The following GRIA3 variants were observed in gnomAD, a reference collection of about 807,000 sequenced individuals.
The protein encoded by GRIA3 is glutamate receptor 3.
A neutral mutation model predicts 63.0 loss-of-function variants in GRIA3; 3 were observed. That is an observed-to-expected ratio of 0.05 (90% CI 0.02 to 0.12). The LOEUF (loss-of-function observed/expected upper bound fraction) is 0.12, where lower values mean the gene tolerates loss of function less well. GRIA3 is among the 10% of genes least tolerant of loss of function. The pLI, the probability that GRIA3 is intolerant of heterozygous loss-of-function variation, is 1.00. For synonymous variants in GRIA3, 274 were observed against 257.9 expected (o/e 1.06, Z -0.60); for missense variants, 347 against 700.9 (o/e 0.50, Z 5.70).
In GRIA3 at chrX:123,270,620, C is replaced by T. The variant is rs1424104281; in HGVS notation, c.508+17078C>T. On this transcript the variant is annotated intron_variant, in intron 3 of 15. Transcript: ENST00000620443. Reference sequence around the variant, plus strand: ...TTCTTTCTGGCTTTTCTAAGGCAATCCTGAGGATTCAATCCCAGCTCTGAC... The same window carrying T: ...TTCTTTCTGGCTTTTCTAAGGCAATTCTGAGGATTCAATCCCAGCTCTGAC... Among the ~76,000 whole-genome samples, 5 of 112,186 alleles carry T rather than the reference C, an allele frequency of 4.5e-5. No homozygotes were observed. In the East Asian group the frequency reaches 1.4e-3, roughly 31 times the overall value.
intron 5 of GRIA3, among the ~76,000 whole-genome samples, chrX:123,376,950 T>TC (rs1381343775): frequency 9.6e-6 from 1 of 103,923 alleles, no homozygotes; most frequent in Non-Finnish European, 2.0e-5. Flanking sequence ...TTTTTTTTTT[T>TC]TTGAGGCAGA....
chrX:123,316,955 G>A (rs184061828), intron 3 of GRIA3, among the ~76,000 whole-genome samples: 1 of 111,768 alleles, frequency 8.9e-6, no homozygotes, highest in African/African-American at 3.3e-5. Context: ...TCATGCTGCT[G>A]ATAAAGACAT....
At chrX:123,309,277 G>A (rs2044774513) in intron 3 of GRIA3, among the ~76,000 whole-genome samples, 1 of 109,674 alleles carries the variant, frequency 9.1e-6, no homozygotes, top group Non-Finnish European at 1.9e-5. Flanking sequence ...GTCCCGAGAG[G>A]TGGAGGTTGA....
At chrX:123,344,254 A>C (rs1366860243) in intron 4 of GRIA3, among the ~76,000 whole-genome samples, 1 of 112,418 alleles carries the variant, frequency 8.9e-6, no homozygotes, top group Non-Finnish European at 1.9e-5. Context: ...GCAGTGTAGC[A>C]GATGCTGTTG....
At chrX:123,441,394 T>A (rs1177742103) in intron 12 of GRIA3, among the ~76,000 whole-genome samples, 1 of 111,771 alleles carries the variant, frequency 8.9e-6, no homozygotes, top group Admixed American at 9.5e-5. Context: ...TGTATCATAG[T>A]AGAAATCAAT....
chrX:123,428,467 G>T (rs2045601445), intron 12 of GRIA3, among the ~76,000 whole-genome samples: 1 of 111,425 alleles, frequency 9.0e-6, no homozygotes, highest in Non-Finnish European at 1.9e-5. Context: ...AATAATGAGG[G>T]GATTGAACTA....
At chrX:123,319,160 C>T (rs888082491) in intron 3 of GRIA3, among the ~76,000 whole-genome samples, 25 of 111,871 alleles carry the variant, frequency 2.2e-4, no homozygotes, top group African/African-American at 7.5e-4. Flanking sequence ...AGATACAATT[C>T]AAATTGAGGT....
At chrX:123,382,010 T>G (rs1402663469) in intron 5 of GRIA3, among the ~76,000 whole-genome samples, 2 of 112,202 alleles carry the variant, frequency 1.8e-5, no homozygotes. Flanking sequence ...GACTATTGGT[T>G]GCTCTATCTA....
intron 3 of GRIA3, among the ~76,000 whole-genome samples, chrX:123,324,946 T>C (rs1242938564): frequency 8.9e-6 from 1 of 112,157 alleles, no homozygotes; most frequent in Non-Finnish European, 1.9e-5. Context: ...CATTCTCTTC[T>C]CCTCCAGTCA....
chrX:123,455,148 C>T (rs1047669048), intron 12 of GRIA3, among the ~76,000 whole-genome samples: 10 of 111,999 alleles, frequency 8.9e-5, no homozygotes, highest in Non-Finnish European at 1.5e-4. Context: ...CTCAAAATAA[C>T]TCAGTCAGGC....
chrX:123,479,010 A>G (rs2045899566), intron 13 of GRIA3, among the ~76,000 whole-genome samples: 2 of 112,929 alleles, frequency 1.8e-5, no homozygotes, highest in Admixed American at 1.9e-4. Flanking sequence ...AAGGGAGAAA[A>G]TCTTTATCCT....
intron 3 of GRIA3, among the ~76,000 whole-genome samples, chrX:123,320,634 C>T (rs922005454): frequency 9.0e-6 from 1 of 111,649 alleles, no homozygotes; most frequent in African/African-American, 3.3e-5. Context: ...TCTGTCCACA[C>T]CAAAATGTTG....
chrX:123,353,174 G>A (rs1439417131), intron 4 of GRIA3, among the ~76,000 whole-genome samples: 1 of 111,354 alleles, frequency 9.0e-6, no homozygotes, highest in Non-Finnish European at 1.9e-5. Context: ...ACATTGCCTC[G>A]TCCATGAAGC....
At chrX:123,259,946 C>A (rs1295369450) in intron 3 of GRIA3, among the ~76,000 whole-genome samples, 1 of 111,556 alleles carries the variant, frequency 9.0e-6, no homozygotes, top group East Asian at 2.8e-4. Context: ...CCCGTGGATG[C>A]AATCCAATTG....
At chrX:123,391,920 T>C (rs1215915170) in intron 5 of GRIA3, among the ~76,000 whole-genome samples, 1 of 110,943 alleles carries the variant, frequency 9.0e-6, no homozygotes, top group African/African-American at 3.3e-5. Context: ...GTTCCAACGG[T>C]GGTGAATGGG....
intron 3 of GRIA3, among the ~76,000 whole-genome samples, chrX:123,272,928 AC>A (rs1024317327): frequency 9.0e-6 from 1 of 110,576 alleles, no homozygotes; most frequent in African/African-American, 3.3e-5. Context: ...TAGATTCAAA[AC>A]CTCCGCTGGC....
chrX:123,428,864 A>G (rs1276325070), intron 12 of GRIA3, among the ~76,000 whole-genome samples: 2 of 112,248 alleles, frequency 1.8e-5, no homozygotes, highest in Non-Finnish European at 3.8e-5. Context: ...AATATGAGGG[A>G]CAAACCACTT....
At chrX:123,206,692 C>G (rs1023828904) in intron 2 of GRIA3, among the ~76,000 whole-genome samples, 1 of 110,912 alleles carries the variant, frequency 9.0e-6, no homozygotes, top group African/African-American at 3.3e-5. Context: ...CCAACCTGTT[C>G]TTTTTAATAA....
rs1407251570 is a variant in GRIA3 at position 123,353,432 on chromosome X, A to ATACT, written c.697-1475_697-1472dup. On this transcript the variant is annotated intron_variant, in intron 4 of 15. Transcript: ENST00000620443. The stretch of plus-strand genomic sequence containing the variant: ...CCTCATCTGTAAAATGAGACTAATG[A>ATACT]TACTTAATCTGTTAAACTGTTCTGG... 1.4e-4 allele frequency among the ~76,000 whole-genome samples: 16 copies of ATACT among 111,961 alleles called. 1 individual carries two copies. The Middle Eastern group carries it at 0.019, about 131-fold the overall frequency.
Sources: allele counts gnomAD v4.1 joint callset (sites outside exome capture counted in the v4.1 genomes callset), GRCh38; gene constraint gnomAD v4.1.1; transcripts MANE v1.5; gene names NCBI Gene and HGNC (gene_info 2026-07-23, HGNC 2026-07-21).